Variants in BCKDHB observed in about 807,000 individuals in gnomAD.
The protein encoded by BCKDHB is branched chain keto acid dehydrogenase E1 subunit beta.
BCKDHB carries 41 observed loss-of-function variants against 48.5 expected under a neutral mutation model. The ratio of observed to expected loss-of-function variants is 0.85; its 90% CI spans 0.66 to 1.10. The LOEUF (loss-of-function observed/expected upper bound fraction) is 1.10. Ranked by LOEUF, BCKDHB falls within the 50% of genes least tolerant of loss-of-function variation. BCKDHB has a pLI of 0.00. For synonymous variants in BCKDHB, 201 were observed against 174.8 expected (o/e 1.15, Z -1.18); for missense variants, 496 against 494.2 (o/e 1.00, Z -0.03).
intron 9 of BCKDHB, among the ~76,000 whole-genome samples, chr6:80,319,712 A>G (rs1248679056): frequency 1.3e-5 from 2 of 152,258 alleles, no homozygotes; most frequent in African/African-American, 4.8e-5. Context: ...AATTTATATT[A>G]GGAAGATCTC....
chr6:80,383,072 G>T, the BCKDHB span, among the ~76,000 whole-genome samples: 5 of 152,120 alleles, frequency 3.3e-5, no homozygotes, highest in Admixed American at 3.3e-4. Context: ...GCATTTTGGG[G>T]TCAGGCTGAA....
At chr6:80,414,223 A>T in the BCKDHB span, among the ~76,000 whole-genome samples, 2 of 151,574 alleles carry the variant, frequency 1.3e-5, no homozygotes, top group East Asian at 1.9e-4. Context: ...TGCTTTGCAA[A>T]TTTTTTCTCC....
chr6:80,109,412 A>T (rs1181052469), intron 1 of BCKDHB, among the ~76,000 whole-genome samples: 2 of 152,248 alleles, frequency 1.3e-5, no homozygotes, highest in African/African-American at 2.4e-5. Flanking sequence ...CATTTCATGC[A>T]TATGGGTTTT....
At chr6:80,368,178 C>A in the BCKDHB span, among the ~76,000 whole-genome samples, 1 of 152,170 alleles carries the variant, frequency 6.6e-6, no homozygotes. Context: ...TTTTTCCCAG[C>A]CTCTGAATAT....
chr6:80,311,277 A>G (rs1436028662), intron 9 of BCKDHB, among the ~76,000 whole-genome samples: 1 of 152,174 alleles, frequency 6.6e-6, no homozygotes, highest in African/African-American at 2.4e-5. Flanking sequence ...CTGCAAGTCC[A>G]TTAAACCTCT....
At chr6:80,301,355 A>G (rs1366241180) in intron 9 of BCKDHB, among the ~76,000 whole-genome samples, 2 of 152,184 alleles carry the variant, frequency 1.3e-5, no homozygotes, top group Admixed American at 6.5e-5. Flanking sequence ...TAAAGATGAC[A>G]TAACAGCTGA....
the BCKDHB span, among the ~76,000 whole-genome samples, chr6:80,417,996 A>G: frequency 2.0e-5 from 3 of 152,066 alleles, no homozygotes; most frequent in Non-Finnish European, 4.4e-5. Flanking sequence ...ATCTCTTTAC[A>G]TAATCCCATA....
chr6:80,272,195 A>G (rs541757851), intron 8 of BCKDHB, among the ~76,000 whole-genome samples: 161 of 152,310 alleles, frequency 1.1e-3, no homozygotes, highest in African/African-American at 3.8e-3. Context: ...GCTAGCTGAA[A>G]CTGCTGCATA....
intron 9 of BCKDHB, among the ~76,000 whole-genome samples, chr6:80,339,865 A>G (rs986444506): frequency 6.6e-6 from 1 of 152,100 alleles, no homozygotes; most frequent in South Asian, 2.1e-4. Flanking sequence ...TATCATTGCT[A>G]TTCTCAATAG....
chr6:80,337,815 A>G (rs1189015941), intron 9 of BCKDHB, among the ~76,000 whole-genome samples: 1 of 152,168 alleles, frequency 6.6e-6, no homozygotes, highest in African/African-American at 2.4e-5. Context: ...GGAGCAACAT[A>G]AAATCCTGAT....
chr6:80,167,109 A>G (rs989744478), intron 3 of BCKDHB, among the ~76,000 whole-genome samples: 1 of 152,160 alleles, frequency 6.6e-6, no homozygotes, highest in Non-Finnish European at 1.5e-5. Context: ...TTGTGAATTG[A>G]ACCCTTTAAC....
the BCKDHB span, among the ~76,000 whole-genome samples, chr6:80,401,827 A>G: frequency 6.6e-6 from 1 of 151,456 alleles, no homozygotes; most frequent in Non-Finnish European, 1.5e-5. Context: ...TATATTATAC[A>G]GTAATTGTTT....
At chr6:80,378,502 G>A in the BCKDHB span, among the ~76,000 whole-genome samples, 1 of 152,040 alleles carries the variant, frequency 6.6e-6, no homozygotes, top group Non-Finnish European at 1.5e-5. Context: ...TGGTAGGTAT[G>A]TGTATAGAGA....
chr6:80,464,915 G>T, the BCKDHB span, among the ~76,000 whole-genome samples: 1 of 152,190 alleles, frequency 6.6e-6, no homozygotes, highest in East Asian at 1.9e-4. Flanking sequence ...ACAAAGCAGG[G>T]CAAAGAGCAC....
intron 3 of BCKDHB, among the ~76,000 whole-genome samples, chr6:80,165,144 A>G (rs965526935): frequency 1.3e-5 from 2 of 152,226 alleles, no homozygotes; most frequent in Non-Finnish European, 2.9e-5. Context: ...CAAGGAATCA[A>G]TAAGAATGCT....
At chr6:80,297,809 A>G (rs972994504) in intron 9 of BCKDHB, among the ~76,000 whole-genome samples, 1 of 152,132 alleles carries the variant, frequency 6.6e-6, no homozygotes, top group Non-Finnish European at 1.5e-5. Context: ...TATATTTCCT[A>G]CCTAGTTATT....
chr6:80,311,956 C>T (rs543199245), intron 9 of BCKDHB, among the ~76,000 whole-genome samples: 2 of 152,260 alleles, frequency 1.3e-5, no homozygotes, highest in South Asian at 4.1e-4. Flanking sequence ...TTTTCTAATT[C>T]TGTGAAGATT....
At chr6:80,201,957 G>C in intron 7 of BCKDHB, among the ~76,000 whole-genome samples, 1 of 152,152 alleles carries the variant, frequency 6.6e-6, no homozygotes, top group Non-Finnish European at 1.5e-5. Flanking sequence ...GAGAGCTAGA[G>C]TCCTTATGGT....
chr6:80,167,909 A>T, intron 4 of BCKDHB, 98 bp downstream of exon 4: 1 of 1,226,852 alleles, frequency 8.2e-7, no homozygotes, highest in Non-Finnish European at 1.2e-6. Context: ...TAAACATTTT[A>T]TTATCCTTTT....
Sources: gnomAD v4.1 joint callset for allele counts (sites outside exome capture counted in the v4.1 genomes callset) on GRCh38, gnomAD v4.1.1 for gene constraint, MANE v1.5 for transcripts, NCBI Gene and HGNC (gene_info 2026-07-23, HGNC 2026-07-21) for gene names.